EPSTI1: variants seen among roughly 807,000 people sequenced by gnomAD.
EPSTI1 encodes the protein epithelial stromal interaction 1.
Under a neutral mutation model 49.9 loss-of-function variants are expected in EPSTI1, and 66 were observed. The ratio of observed to expected loss-of-function variants is 1.32; its 90% CI spans 1.08 to 1.62. The LOEUF is 1.62. Ranked by LOEUF, EPSTI1 falls within the 40% of genes most tolerant of loss-of-function variation. The pLI is 0.00. For missense variants in EPSTI1, 394 were observed against 365.5 expected (o/e 1.08, Z -0.64); for synonymous variants, 137 against 130.7 (o/e 1.05, Z -0.33).
intron 8 of EPSTI1, among the ~76,000 whole-genome samples, chr13:42,905,491 T>C (rs1330258731): frequency 6.6e-6 from 1 of 152,196 alleles, no homozygotes. Flanking sequence ...TCTTGGTTCA[T>C]TTACTGAGAT....
rs1446251289 is a variant in EPSTI1, at chr13:42,966,680, C to T, written c.331+2414G>A. Among the ~76,000 whole-genome samples, 2 of 81,440 alleles carry T rather than the reference C, an allele frequency of 2.5e-5. 1 individual carries two copies. The highest frequency in any genetic ancestry group is 7.5e-5 in the African/African-American group (2 of 26,534). The allele number at this position is 81,440 out of a possible 152,430, so 53.4% of individuals were successfully genotyped here. A position where few individuals can be genotyped will look rare whatever the true frequency, so the allele number is the denominator to read the frequency against. ...GTCTCCGCCCGGCAGCCACCCCGGC[C>T]GGGAGGGAGGTGGGGGGGTCAGCCC... On this transcript the variant is annotated intron_variant, in intron 3 of 10. Transcript: ENST00000313624.
chr13:42,988,316 TTTTAA>T (rs1263489492), intron 1 of EPSTI1, among the ~76,000 whole-genome samples: 10 of 152,250 alleles, frequency 6.6e-5, no homozygotes, highest in African/African-American at 2.4e-4. Context: ...CTTTTTTCTC[TTTTAA>T]TTTGTGTAGA....
chr13:42,898,707 G>A (rs1439769181), intron 9 of EPSTI1, among the ~76,000 whole-genome samples: 3 of 152,138 alleles, frequency 2.0e-5, no homozygotes, highest in Non-Finnish European at 4.4e-5. Context: ...TAATCAAATA[G>A]CTTGGGTGTT....
At chr13:42,962,775 G>A (rs909189409) in intron 5 of EPSTI1, among the ~76,000 whole-genome samples, 8 of 151,068 alleles carry the variant, frequency 5.3e-5, no homozygotes, top group African/African-American at 1.2e-4. Context: ...GTGAGACCCC[G>A]TCTCAAAAAA....
At chr13:42,964,539 G>T (rs1007837310) in intron 3 of EPSTI1, among the ~76,000 whole-genome samples, 1 of 152,038 alleles carries the variant, frequency 6.6e-6, no homozygotes, top group Non-Finnish European at 1.5e-5. Context: ...GTGATCAAAG[G>T]TGCTTCTATT....
intron 8 of EPSTI1, among the ~76,000 whole-genome samples, chr13:42,910,387 G>A (rs111463229): frequency 2.3e-3 from 341 of 149,538 alleles, no homozygotes; most frequent in Admixed American, 3.8e-3. Context: ...TCAGCCTCCC[G>A]AGTAACTAGA....
chr13:42,969,970 G>A (rs1465946425), intron 2 of EPSTI1: 1 of 152,262 alleles, frequency 6.6e-6, no homozygotes. Context: ...GTCCCTGCAT[G>A]GCTGTGATTG....
chr13:42,889,729 TCTC>T, intron 10 of EPSTI1, among the ~76,000 whole-genome samples: 1 of 152,338 alleles, frequency 6.6e-6, no homozygotes, highest in Admixed American at 6.5e-5. Context: ...ATTTATGGCC[TCTC>T]CTCTTACTTT....
chr13:42,978,576 A>G (rs2039926349), intron 1 of EPSTI1, among the ~76,000 whole-genome samples: 1 of 152,164 alleles, frequency 6.6e-6, no homozygotes, highest in African/African-American at 2.4e-5. Context: ...GGACCCCAGG[A>G]TTTCTTTTCA....
chr13:42,966,721 G>A lies in EPSTI1; in HGVS notation c.331+2373C>T, dbSNP rs1185977825. 2.9e-4 allele frequency among the ~76,000 whole-genome samples: 25 copies of A among 87,540 alleles called. 8 individuals carry two copies. Among genetic ancestry groups the A allele is most frequent in the Non-Finnish European group, 4.7e-4 (18 of 38,420 alleles). The allele number at this position is 87,540 out of a possible 152,430, so 57.4% of individuals were successfully genotyped here. A position where few individuals can be genotyped will look rare whatever the true frequency, so the allele number is the denominator to read the frequency against. On this transcript the variant is annotated intron_variant, in intron 3 of 10. Transcript: ENST00000313624. Reference sequence around the variant, plus strand: ...GGGTCAGCCCCCCGCCCGGCCAGCCGCCCCGTCCGGGAGGTGAGGGGCGCC... The same window carrying A: ...GGGTCAGCCCCCCGCCCGGCCAGCCACCCCGTCCGGGAGGTGAGGGGCGCC...
At chr13:42,989,567 C>CTTTTCTTTTTTTTTT (rs1555271094) in intron 1 of EPSTI1, among the ~76,000 whole-genome samples, 1 of 79,022 alleles carries the variant, frequency 1.3e-5, no homozygotes, top group African/African-American at 4.4e-5. Context: ...CCTCTTTTTT[C>CTTTTCTTTTTTTTTT]TTTTTTTTTT....
intron 3 of EPSTI1, among the ~76,000 whole-genome samples, 197 bp from the exon 4 acceptor site, chr13:42,964,336 A>C (rs1368700353): frequency 6.7e-6 from 1 of 148,984 alleles, no homozygotes; most frequent in Non-Finnish European, 1.5e-5. Flanking sequence ...GCTGGATAGA[A>C]AGAGGAGACC....
At chr13:42,989,625 A>G (rs1361737597) in intron 1 of EPSTI1, among the ~76,000 whole-genome samples, 6 of 119,108 alleles carry the variant, frequency 5.0e-5, no homozygotes, top group South Asian at 2.7e-4. Context: ...ACAGAGTCTC[A>G]CTCTGTCGCC....
At chr13:42,936,138 G>A (rs534444368) in intron 6 of EPSTI1, among the ~76,000 whole-genome samples, 1 of 152,070 alleles carries the variant, frequency 6.6e-6, no homozygotes, top group East Asian at 1.9e-4. Context: ...GTATACTCAG[G>A]AACTTATTCA....
At chr13:42,963,979 A>G (rs1180624585) in intron 4 of EPSTI1, 87 bp downstream of exon 4, 4 of 1,180,732 alleles carry the variant, frequency 3.4e-6, no homozygotes, top group Non-Finnish European at 4.8e-6. Context: ...TACTTTTGGT[A>G]AAGTTACTGT....
chr13:42,953,839 A>G (rs2039177590), intron 6 of EPSTI1, 109 bp downstream of exon 6: 5 of 784,106 alleles, frequency 6.4e-6, no homozygotes, highest in Middle Eastern at 5.3e-4. Context: ...TTAATACAAC[A>G]GCCAATAATC....
intron 1 of EPSTI1, among the ~76,000 whole-genome samples, chr13:42,975,752 G>A (rs2039868897): frequency 6.6e-6 from 1 of 152,000 alleles, no homozygotes; most frequent in Admixed American, 6.6e-5. Context: ...CAACCATATA[G>A]AATCGACCTG....
rs1166321330 is a variant in EPSTI1, at chr13:42,966,697, G to A, written c.331+2397C>T. ...ACCCCGGCCGGGAGGGAGGTGGGGG[G>A]GTCAGCCCCCCGCCCGGCCAGCCGC... On this transcript the variant is annotated intron_variant, in intron 3 of 10. Transcript: ENST00000313624. Among the ~76,000 whole-genome samples the A allele has an allele frequency of 4.8e-5, 4 of 83,224 alleles. 1 individual carries two copies. The highest frequency in any genetic ancestry group is 1.4e-4 in the Admixed American group (1 of 7,074). The allele number at this position is 83,224 out of a possible 152,430, so 54.6% of individuals were successfully genotyped here. A position where few individuals can be genotyped will look rare whatever the true frequency, so the allele number is the denominator to read the frequency against.
At chr13:42,940,156 G>T (rs929078844) in intron 6 of EPSTI1, among the ~76,000 whole-genome samples, 2 of 152,164 alleles carry the variant, frequency 1.3e-5, no homozygotes, top group Non-Finnish European at 2.9e-5. Context: ...TGTCAACTTC[G>T]TCATCTCTTT....
Sources: allele counts gnomAD v4.1 joint callset (sites outside exome capture counted in the v4.1 genomes callset), GRCh38; gene constraint gnomAD v4.1.1; transcripts MANE v1.5; gene names NCBI Gene and HGNC (gene_info 2026-07-23, HGNC 2026-07-21).